DNAH5: variants seen among roughly 807,000 people sequenced by gnomAD.
The protein encoded by DNAH5 is dynein axonemal heavy chain 5.
In DNAH5, 372 loss-of-function variants were observed where a neutral mutation model predicts 518.2. That is an observed-to-expected ratio of 0.72 (90% CI 0.66 to 0.78). The LOEUF (loss-of-function observed/expected upper bound fraction) is 0.78, where lower values mean the gene tolerates loss of function less well. Among genes scored for constraint, DNAH5 ranks in the 30% least tolerant of loss-of-function variants. The probability of loss-of-function intolerance (pLI) is 0.00; values close to 1 mark genes in which losing one functional copy is unlikely to be tolerated. For synonymous variants in DNAH5, 2,039 were observed against 2,025.9 expected (o/e 1.01, Z -0.17); for missense variants, 5,523 against 5,687.0 (o/e 0.97, Z 0.93).
chr5:13,977,041 A>G (rs1407396375), intron 1 of DNAH5, among the ~76,000 whole-genome samples: 1 of 152,202 alleles, frequency 6.6e-6, no homozygotes, highest in East Asian at 1.9e-4. Context: ...AGACTTCTCC[A>G]CAAGGTGGGG....
chr5:13,717,445 T>C lies in DNAH5; in HGVS notation c.12575A>G (p.His4192Arg). The C allele has an allele frequency of 6.2e-7, 1 of 1,614,122 alleles. No individual in the cohort carries two copies. The highest frequency in any genetic ancestry group is 8.5e-7 in the Non-Finnish European group (1 of 1,180,014). The change falls in exon 73 of 79, where the codon CAC becomes CGC. Residue 4192 changes from histidine to arginine, a missense_variant. Physicochemically the swap from His to Arg is conservative, Grantham distance 29. Transcript: ENST00000265104. ...CTTGCGCCTCTCCTGGACAGTGGAG[T>C]GCAGGAAAGCCACTGCGTACAGCAT... ...KPMLYAVAFL[H>R]STVQERRKFG...
In DNAH5 at chr5:13,769,490, T is replaced by C. The variant is rs763596138; in HGVS notation, c.9720+11A>G. On this transcript the variant is annotated intron_variant, in intron 57 of 78. Coordinates refer to ENST00000265104, the MANE Select transcript of DNAH5 (RefSeq NM_001369.3). ...AAAAGGAATGTGGCACATGTGTAAATGCCCACCCACCATGTCGGCTTTATC... is the reference window on the plus strand; with the variant it reads ...AAAAGGAATGTGGCACATGTGTAAACGCCCACCCACCATGTCGGCTTTATC... 1.8e-5 allele frequency: 29 copies of C among 1,608,640 alleles called. No individual in the cohort carries two copies. Among genetic ancestry groups the C allele is most frequent in the Non-Finnish European group, 2.5e-5 (29 of 1,175,116 alleles).
At chr5:13,892,394 CAG>C (rs1773374556) in intron 16 of DNAH5, among the ~76,000 whole-genome samples, 1 of 151,932 alleles carries the variant, frequency 6.6e-6, no homozygotes, top group Non-Finnish European at 1.5e-5. Context: ...ATGTAATGTG[CAG>C]AGTGTCCCAG....
Position 13,850,709 on chromosome 5 carries a change from C to A in DNAH5, c.5057G>T (p.Gly1686Val). 6.2e-7 allele frequency: 1 copy of A among 1,613,958 alleles called. No individual in the cohort carries two copies. The highest frequency in any genetic ancestry group is 8.5e-7 in the Non-Finnish European group (1 of 1,179,910). The change falls in exon 31 of 79, where the codon GGG becomes GTG. Residue 1686 changes from glycine to valine, a missense_variant. By Grantham distance (109) the Gly-to-Val change is moderately radical. Transcript: ENST00000265104. The part of the protein sequence containing the change: ...VQCCVGDETL[G>V]QLLPHLLDQL... ...GTCCAGCAAGTGTGGTAACAGCTGC[C>A]CCAGGGTCTCATCTCCAACACAGCA...
At position 13,879,174 on chromosome 5, in the gene DNAH5, G is replaced by A. The variant is rs543916041; in HGVS notation, c.3263-2357C>T. The stretch of plus-strand genomic sequence containing the variant: ...TAATACACAGAAACCAACACAGAGG[G>A]TCAAAGAAAATGAACAAAAACAGGG... On this transcript the variant is annotated intron_variant, in intron 21 of 78. Coordinates refer to ENST00000265104, the MANE Select transcript of DNAH5 (RefSeq NM_001369.3). 2.0e-5 allele frequency among the ~76,000 whole-genome samples: 3 copies of A among 152,174 alleles called. No homozygotes were observed. The East Asian group carries it at 5.8e-4, about 29-fold the overall frequency.
At chr5:13,832,154 A>G (rs1763761564) in intron 35 of DNAH5, among the ~76,000 whole-genome samples, 2 of 140,636 alleles carry the variant, frequency 1.4e-5, no homozygotes, top group South Asian at 4.2e-4. Flanking sequence ...TTAAAAACTG[A>G]AAAAAAAAGA....
chr5:13,716,908 C>A (rs1319749474), intron 73 of DNAH5, among the ~76,000 whole-genome samples: 1 of 152,138 alleles, frequency 6.6e-6, no homozygotes, highest in Non-Finnish European at 1.5e-5. Flanking sequence ...TTGATGCATT[C>A]GTATGTTTTC....
intron 43 of DNAH5, 117 bp downstream of exon 43, chr5:13,814,488 C>A: frequency 1.0e-6 from 1 of 990,510 alleles, no homozygotes. Flanking sequence ...CTTCCACAAA[C>A]ATTAGCATAA....
At chr5:13,979,190 A>C (rs932889555) in intron 1 of DNAH5, among the ~76,000 whole-genome samples, 1 of 151,924 alleles carries the variant, frequency 6.6e-6, no homozygotes, top group Non-Finnish European at 1.5e-5. Flanking sequence ...CTATATGTAC[A>C]TATACCCAAA....
intron 43 of DNAH5, among the ~76,000 whole-genome samples, chr5:13,812,840 T>C (rs1210375871): frequency 1.3e-5 from 2 of 152,192 alleles, no homozygotes; most frequent in Non-Finnish European, 2.9e-5. Flanking sequence ...ATCAGCTCAT[T>C]CTTCACCTCA....
At chr5:13,840,840 G>A (rs745686804) in intron 34 of DNAH5, 66 bp downstream of exon 34, 34 of 1,294,224 alleles carry the variant, frequency 2.6e-5, no homozygotes, top group Admixed American at 3.4e-5. Context: ...AGTTCTACTG[G>A]GTAAATGCAG....
At chr5:13,737,542 G>C (rs1180049879) in intron 65 of DNAH5, 47 bp from the exon 66 acceptor site, 1 of 1,592,418 alleles carries the variant, frequency 6.3e-7, no homozygotes. Context: ...AACAACTCTT[G>C]TTGAGTATTC....
chr5:13,882,892 C>T lies in DNAH5; in HGVS notation c.3174+12G>A. 2 of 1,614,142 alleles carry T rather than the reference C, an allele frequency of 1.2e-6. No individual in the cohort carries two copies. Among genetic ancestry groups the T allele is most frequent in the Non-Finnish European group, 1.7e-6 (2 of 1,179,996 alleles). On this transcript the variant is annotated intron_variant, in intron 20 of 78. Transcript: ENST00000265104. ...GTTTCCATATGAAACCATTTCTGCACCCCATACCCACCTTGGACAACAGTT... is the reference window on the plus strand; with the variant it reads ...GTTTCCATATGAAACCATTTCTGCATCCCATACCCACCTTGGACAACAGTT...
At chr5:13,728,776 T>G (rs2126571260) in intron 69 of DNAH5, among the ~76,000 whole-genome samples, 1 of 152,340 alleles carries the variant, frequency 6.6e-6, no homozygotes, top group East Asian at 1.9e-4. Flanking sequence ...AAAGCCACCC[T>G]GCTGCCAAAC....
At chr5:13,925,494 T>C (rs777973954) in intron 3 of DNAH5, among the ~76,000 whole-genome samples, 15 of 152,144 alleles carry the variant, frequency 9.9e-5, no homozygotes, top group Non-Finnish European at 1.9e-4. Flanking sequence ...TTGATTGGCC[T>C]TACAGTTCCA....
At chr5:13,974,772 A>G (rs548272767) in intron 1 of DNAH5, among the ~76,000 whole-genome samples, 13 of 152,298 alleles carry the variant, frequency 8.5e-5, no homozygotes, top group African/African-American at 2.2e-4. Context: ...ACAGGCCTCA[A>G]TGAGCATCTT....
Position 13,735,685 on chromosome 5 carries a change from G to T in DNAH5, c.11570+133C>A, listed in dbSNP as rs1402935331. The T allele has an allele frequency of 3.8e-6, 3 of 796,124 alleles. No homozygotes were observed. The East Asian group carries it at 7.7e-5, about 20-fold the overall frequency. 49.3% of individuals were successfully genotyped at this position (796,124 alleles called of 1,614,324 possible). ...ATCAGAATGATTTGTTAACACATTG[G>T]TAATTACACTGATCTGAGATTTAAA... is the stretch of plus-strand genomic sequence containing the variant. On this transcript the variant is annotated intron_variant, in intron 67 of 78. Coordinates refer to ENST00000265104, the MANE Select transcript of DNAH5 (RefSeq NM_001369.3).
intron 1 of DNAH5, among the ~76,000 whole-genome samples, chr5:14,006,761 C>A (rs1168953893): frequency 2.0e-5 from 3 of 152,208 alleles, no homozygotes; most frequent in African/African-American, 7.2e-5. Context: ...AGTTACAATG[C>A]TGATGTCCTT....
At chr5:13,770,251 C>G (rs557002117) in intron 56 of DNAH5, among the ~76,000 whole-genome samples, 1 of 152,136 alleles carries the variant, frequency 6.6e-6, no homozygotes, top group Non-Finnish European at 1.5e-5. Context: ...TTCAGGGAAG[C>G]AGGGATACTC....
Sources: allele counts gnomAD v4.1 joint callset (sites outside exome capture counted in the v4.1 genomes callset), GRCh38; gene constraint gnomAD v4.1.1; transcripts MANE v1.5; gene names NCBI Gene and HGNC (gene_info 2026-07-23, HGNC 2026-07-21).